FTO: variants seen among roughly 807,000 people sequenced by gnomAD.
FTO encodes the protein alpha-ketoglutarate-dependent dioxygenase FTO.
In FTO, 47 loss-of-function variants were observed where a neutral mutation model predicts 63.9. That is an observed-to-expected ratio of 0.74 (90% CI 0.58 to 0.94). The LOEUF (loss-of-function observed/expected upper bound fraction) is 0.94, where lower values mean the gene tolerates loss of function less well. FTO is among the 40% of genes least tolerant of loss of function. The pLI is 0.00. For missense variants in FTO, 562 were observed against 618.1 expected (o/e 0.91, Z 0.96); for synonymous variants, 207 against 224.4 (o/e 0.92, Z 0.69).
intron 8 of FTO, among the ~76,000 whole-genome samples, chr16:54,024,247 G>C (rs531611771): frequency 2.2e-4 from 34 of 151,940 alleles, no homozygotes; most frequent in South Asian, 1.2e-3. Context: ...TGTTTTTTGA[G>C]ACAGTCTCAC....
intron 8 of FTO, chr16:54,072,241 A>C (rs541038523): frequency 6.6e-6 from 1 of 152,206 alleles, no homozygotes; most frequent in Non-Finnish European, 1.5e-5. Context: ...TCTTTAATTA[A>C]GACCTCCTAA....
Position 53,888,835 on chromosome 16 carries a change from G to A in FTO, c.1123G>A (p.Glu375Lys), listed in dbSNP as rs752687224. The A allele has an allele frequency of 6.2e-6, 10 of 1,613,882 alleles. No homozygotes were observed. The highest frequency in any genetic ancestry group is 1.7e-5 in the Admixed American group (1 of 59,994). ...ATCTTCTCTTTATGGTCCACAGGTC[G>A]AGTTTGAGTGGCTGAGGCAGTTTTG... ...KQGEEIHNEV[E>K]FEWLRQFWFQ... The change falls in exon 7 of 9, where the codon GAG (glutamate) becomes AAG (lysine). Residue 375 changes from glutamate to lysine, a missense_variant. By Grantham distance (56) the Glu-to-Lys change is moderately conservative. Coordinates refer to ENST00000471389, the MANE Select transcript of FTO (RefSeq NM_001080432.3).
chr16:54,051,982 A>T (rs2085323487), intron 8 of FTO, among the ~76,000 whole-genome samples: 1 of 152,210 alleles, frequency 6.6e-6, no homozygotes, highest in Admixed American at 6.5e-5. Flanking sequence ...GAAACCTCAG[A>T]GGACTGGATG....
intron 8 of FTO, among the ~76,000 whole-genome samples, chr16:53,959,150 C>T (rs548877185): frequency 1.2e-4 from 18 of 152,116 alleles, no homozygotes; most frequent in Admixed American, 7.2e-4. Flanking sequence ...GAAAAGGGTA[C>T]GTGGAGCCAA....
intron 8 of FTO, chr16:53,984,870 G>A (rs150400624): frequency 7.9e-4 from 357 of 452,208 alleles, no homozygotes; most frequent in African/African-American, 2.4e-3. Flanking sequence ...TTTAGCTGTC[G>A]CTTTTTCTCT....
intron 7 of FTO, among the ~76,000 whole-genome samples, chr16:53,925,730 C>T (rs1200234874): frequency 2.0e-5 from 3 of 152,052 alleles, no homozygotes; most frequent in Non-Finnish European, 4.4e-5. Context: ...TCTCTGAAAA[C>T]CCTACATGCA....
chr16:53,932,245 C>G (rs2082301679), intron 7 of FTO, among the ~76,000 whole-genome samples: 1 of 152,116 alleles, frequency 6.6e-6, no homozygotes, highest in Non-Finnish European at 1.5e-5. Flanking sequence ...AGATGGAATA[C>G]TGGGATAGGA....
chr16:54,019,937 A>G (rs1468023653), intron 8 of FTO, among the ~76,000 whole-genome samples: 1 of 152,220 alleles, frequency 6.6e-6, no homozygotes, highest in Non-Finnish European at 1.5e-5. Flanking sequence ...CAGATTAGTC[A>G]AATTGTTTTT....
At position 54,117,615 on chromosome 16, in the gene FTO, T is replaced by A. The variant is rs764952729; in HGVS notation, c.*5700T>A. 7.9e-5 allele frequency: 12 copies of A among 152,230 alleles called. No individual in the cohort carries two copies. The highest frequency in any genetic ancestry group is 1.6e-4 in the Non-Finnish European group (11 of 68,034). 9.4% of individuals were successfully genotyped at this position (152,230 alleles called of 1,614,324 possible). On this transcript the variant is annotated 3_prime_UTR_variant, in exon 9 of 9. Coordinates refer to ENST00000471389, the MANE Select transcript of FTO (RefSeq NM_001080432.3). The stretch of plus-strand genomic sequence containing the variant: ...AGAAGAATATTGTGTCACTATCCCA[T>A]ATATTATCCCATTTGCTCTTCACAG...
chr16:53,909,976 C>T (rs552972883), intron 7 of FTO, among the ~76,000 whole-genome samples: 1 of 152,128 alleles, frequency 6.6e-6, no homozygotes, highest in African/African-American at 2.4e-5. Context: ...CTCCTGGGCT[C>T]AAGCGCTCCT....
intron 8 of FTO, among the ~76,000 whole-genome samples, chr16:54,060,338 CTGAG>C (rs1310006571): frequency 6.6e-6 from 1 of 152,206 alleles, no homozygotes; most frequent in Non-Finnish European, 1.5e-5. Flanking sequence ...AAATCGTTCT[CTGAG>C]TGGCTGGCCC....
chr16:54,080,940 G>C (rs1332227508), intron 8 of FTO, among the ~76,000 whole-genome samples: 3 of 152,180 alleles, frequency 2.0e-5, no homozygotes, highest in African/African-American at 7.2e-5. Flanking sequence ...AGCTCCAAAA[G>C]ATCCTGTTAA....
chr16:53,869,916 T>TG (rs1442085582), intron 4 of FTO, among the ~76,000 whole-genome samples: 1 of 152,182 alleles, frequency 6.6e-6, no homozygotes, highest in Non-Finnish European at 1.5e-5. Flanking sequence ...TAGAAGGCCT[T>TG]GTACTTTTTT....
chr16:53,889,021 T>C, intron 7 of FTO, 70 bp downstream of exon 7: 1 of 1,517,464 alleles, frequency 6.6e-7, no homozygotes. Context: ...CTGCCTCATT[T>C]GCTTAGGCAA....
At chr16:54,015,333 G>A (rs1277761632) in intron 8 of FTO, among the ~76,000 whole-genome samples, 1 of 152,190 alleles carries the variant, frequency 6.6e-6, no homozygotes, top group Non-Finnish European at 1.5e-5. Flanking sequence ...ACTCCTAAGT[G>A]TGCGTCACCT....
intron 8 of FTO, among the ~76,000 whole-genome samples, chr16:54,027,251 C>A (rs1303502207): frequency 6.6e-6 from 1 of 152,154 alleles, no homozygotes; most frequent in Non-Finnish European, 1.5e-5. Flanking sequence ...GCCCCAGCAA[C>A]CCAACCCAAA....
chr16:53,940,676 A>G (rs2082508034), intron 8 of FTO, among the ~76,000 whole-genome samples: 1 of 152,216 alleles, frequency 6.6e-6, no homozygotes, highest in Non-Finnish European at 1.5e-5. Flanking sequence ...GGAGCCTTAA[A>G]AATGGTGCTG....
At chr16:53,979,559 G>A (rs1373338332) in intron 8 of FTO, 3 of 395,492 alleles carry the variant, frequency 7.6e-6, no homozygotes, top group South Asian at 1.3e-4. Context: ...GTGTGTGTGT[G>A]TGTGTGTGCG....
intron 4 of FTO, among the ~76,000 whole-genome samples, chr16:53,850,173 A>T (rs1335362620): frequency 6.6e-6 from 1 of 152,206 alleles, no homozygotes; most frequent in Non-Finnish European, 1.5e-5. Flanking sequence ...AGGAATTGCT[A>T]TTTAAGTGGA....
Sources: gnomAD v4.1 joint callset for allele counts (sites outside exome capture counted in the v4.1 genomes callset) on GRCh38, gnomAD v4.1.1 for gene constraint, MANE v1.5 for transcripts, NCBI Gene and HGNC (gene_info 2026-07-23, HGNC 2026-07-21) for gene names.